RPS6KC1: variants seen among roughly 807,000 people sequenced by gnomAD.
The protein encoded by RPS6KC1 is inactive ribosomal protein S6 kinase delta-1.
A neutral mutation model predicts 103.8 loss-of-function variants in RPS6KC1; 54 were observed. The ratio of observed to expected loss-of-function variants is 0.52; its 90% CI spans 0.42 to 0.65. RPS6KC1 has a LOEUF of 0.65. Ranked by LOEUF, RPS6KC1 falls within the 30% of genes least tolerant of loss-of-function variation. The pLI is 0.00. For missense variants in RPS6KC1, 1,151 were observed against 1,253.8 expected, an observed-to-expected ratio of 0.92 and a Z score of 1.24; for synonymous variants, 439 against 438.7, an observed-to-expected ratio of 1.00 and a Z score of -0.01.
intron 6 of RPS6KC1, among the ~76,000 whole-genome samples, chr1:213,155,337 A>C (rs542623748): frequency 6.6e-6 from 1 of 152,280 alleles, no homozygotes; most frequent in East Asian, 1.9e-4. Flanking sequence ...TACAAGTTGC[A>C]GTCCTTATGG....
chr1:213,611,781 C>A, the RPS6KC1 span, among the ~76,000 whole-genome samples: 1 of 152,254 alleles, frequency 6.6e-6, no homozygotes, highest in Non-Finnish European at 1.5e-5. Flanking sequence ...ACTGCGAAAG[C>A]CAAGAATTTA....
At chr1:213,572,300 A>C in the RPS6KC1 span, among the ~76,000 whole-genome samples, 5 of 152,238 alleles carry the variant, frequency 3.3e-5, no homozygotes, top group African/African-American at 9.6e-5. Context: ...TGTGTTCCCA[A>C]TGCAGGAGGA....
At chr1:213,722,587 T>A in the RPS6KC1 span, among the ~76,000 whole-genome samples, 1 of 152,180 alleles carries the variant, frequency 6.6e-6, no homozygotes, top group Non-Finnish European at 1.5e-5. Context: ...TTGTTTCAAG[T>A]CTTTAAATCA....
At chr1:213,247,724 A>G (rs2094475686) in intron 12 of RPS6KC1, among the ~76,000 whole-genome samples, 3 of 152,200 alleles carry the variant, frequency 2.0e-5, no homozygotes. Flanking sequence ...GTTGGATATA[A>G]GTAAAATCAC....
the RPS6KC1 span, among the ~76,000 whole-genome samples, chr1:213,351,005 T>C: frequency 4.6e-5 from 7 of 152,218 alleles, no homozygotes; most frequent in Non-Finnish European, 1.0e-4. Context: ...AATTGCTGGG[T>C]CTACAAAAAC....
chr1:213,118,590 A>G (rs928743221), intron 5 of RPS6KC1, among the ~76,000 whole-genome samples: 11 of 151,862 alleles, frequency 7.2e-5, no homozygotes, highest in Non-Finnish European at 1.3e-4. Context: ...GTAAATTTCC[A>G]TCGTGATTTG....
chr1:213,656,822 G>C, the RPS6KC1 span, among the ~76,000 whole-genome samples: 1 of 152,228 alleles, frequency 6.6e-6, no homozygotes, highest in Non-Finnish European at 1.5e-5. Flanking sequence ...GTAAGAGAAT[G>C]TTCTTCCTAC....
the RPS6KC1 span, among the ~76,000 whole-genome samples, chr1:213,733,234 G>C: frequency 1.6e-5 from 1 of 64,014 alleles, no homozygotes; most frequent in East Asian, 5.0e-4. Flanking sequence ...TTGTTTTTGG[G>C]TTTTGTTTTT....
the RPS6KC1 span, among the ~76,000 whole-genome samples, chr1:213,320,874 G>A: frequency 6.6e-6 from 1 of 152,154 alleles, no homozygotes; most frequent in Non-Finnish European, 1.5e-5. Flanking sequence ...CCCTTTATGG[G>A]CAGCCTGTCC....
At chr1:213,238,129 G>T (rs1486523491) in intron 10 of RPS6KC1, among the ~76,000 whole-genome samples, 2 of 152,014 alleles carry the variant, frequency 1.3e-5, no homozygotes, top group Non-Finnish European at 2.9e-5. Flanking sequence ...GATAATAAAA[G>T]CATAAAAGTA....
chr1:213,364,637 G>T, the RPS6KC1 span, among the ~76,000 whole-genome samples: 3 of 152,014 alleles, frequency 2.0e-5, no homozygotes, highest in Admixed American at 6.6e-5. Context: ...GAAAAGAGAG[G>T]GTAGAAAATG....
the RPS6KC1 span, among the ~76,000 whole-genome samples, chr1:213,342,350 A>G: frequency 6.6e-6 from 1 of 152,142 alleles, no homozygotes; most frequent in African/African-American, 2.4e-5. Flanking sequence ...TTGTTTATTG[A>G]CCAGATTTAT....
the RPS6KC1 span, among the ~76,000 whole-genome samples, chr1:213,785,075 A>C: frequency 0.08 from 12,155 of 152,272 alleles, 1,556 homozygotes; most frequent in African/African-American, 0.27. Flanking sequence ...CTTTGAAATA[A>C]GCCAAACACA....
chr1:213,803,758 G>C, the RPS6KC1 span, among the ~76,000 whole-genome samples: 1 of 152,172 alleles, frequency 6.6e-6, no homozygotes, highest in Non-Finnish European at 1.5e-5. Context: ...GGGAAAAAAT[G>C]ACAGTGGGAG....
At chr1:213,448,968 G>A in the RPS6KC1 span, among the ~76,000 whole-genome samples, 1 of 152,082 alleles carries the variant, frequency 6.6e-6, no homozygotes, top group Non-Finnish European at 1.5e-5. Flanking sequence ...CCTCAACTCG[G>A]GAAGTCTTGG....
rs930034353 is a variant in RPS6KC1 at position 213,215,172 on chromosome 1, G to C, written c.1045-15325G>C. On this transcript the variant is annotated intron_variant, in intron 8 of 14. Coordinates refer to ENST00000366960, the MANE Select transcript of RPS6KC1 (RefSeq NM_012424.6). ...GGCTAACTGGAATAACCAATGCAGA[G>C]AAGTGTTTAAAGGACCTGATGGAGC... Among the ~76,000 whole-genome samples the C allele has an allele frequency of 4.6e-5, 7 of 152,246 alleles. 1 individual carries two copies. In the East Asian group the frequency reaches 1.3e-3, roughly 29 times the overall value.
chr1:213,809,717 A>G, the RPS6KC1 span, among the ~76,000 whole-genome samples: 2 of 152,214 alleles, frequency 1.3e-5, no homozygotes, highest in Admixed American at 1.3e-4. Context: ...ATGATTCAGA[A>G]GGCACTGGGG....
intron 3 of RPS6KC1, among the ~76,000 whole-genome samples, chr1:213,090,958 C>T (rs2080904714): frequency 6.6e-6 from 1 of 152,086 alleles, no homozygotes; most frequent in African/African-American, 2.4e-5. Context: ...TAGCTGGATT[C>T]TTATAGCTGT....
chr1:213,131,551 C>A (rs997463878), intron 6 of RPS6KC1, among the ~76,000 whole-genome samples: 1 of 151,964 alleles, frequency 6.6e-6, no homozygotes. Context: ...TCAAGTGATT[C>A]TCCTGCCTCA....
Sources: allele counts gnomAD v4.1 joint callset (sites outside exome capture counted in the v4.1 genomes callset), GRCh38; gene constraint gnomAD v4.1.1; transcripts MANE v1.5; gene names NCBI Gene and HGNC (gene_info 2026-07-23, HGNC 2026-07-21).